Variants in NOTCH2 observed in about 807,000 individuals in gnomAD.
The protein encoded by NOTCH2 is neurogenic locus notch homolog protein 2.
Under a neutral mutation model 235.8 loss-of-function variants are expected in NOTCH2, and 29 were observed. The observed-to-expected ratio is 0.12, with a 90% CI of 0.09 to 0.17. The LOEUF is 0.17. Among genes scored for constraint, NOTCH2 ranks in the 10% least tolerant of loss-of-function variants. The probability of loss-of-function intolerance (pLI) is 1.00; values close to 1 mark genes in which losing one functional copy is unlikely to be tolerated. For missense variants in NOTCH2, 2,285 were observed against 3,150.2 expected, an observed-to-expected ratio of 0.73 and a Z score of 6.57; for synonymous variants, 1,086 against 1,141.5, an observed-to-expected ratio of 0.95 and a Z score of 0.98.
At position 119,916,065 on chromosome 1, in the gene NOTCH2, G is replaced by A. The variant is rs1031526405; in HGVS notation, c.6657C>T (p.Pro2219=). Residue 2219 remains proline, a synonymous_variant, in exon 34 of 34, where the codon CCC becomes CCT. Transcript: ENST00000256646. ...GGTGGGATAGCAACTGGCTCACTGA[G>A]GGAAGCACAGTGCTGGCCCCATGTG... The part of the protein sequence containing the change: ...PLAHGASTVL[P]SVSQLLSHHH... 1 of 1,613,926 alleles carries A rather than the reference G, an allele frequency of 6.2e-7. No homozygotes were observed. Among genetic ancestry groups the A allele is most frequent in the African/African-American group, 1.3e-5 (1 of 75,060 alleles).
At chr1:119,935,299 C>T (rs1461741873) in intron 22 of NOTCH2, 173 bp downstream of exon 22, 12 of 1,554,806 alleles carry the variant, frequency 7.7e-6, no homozygotes, top group Non-Finnish European at 1.0e-5. Context: ...AACATCAGAG[C>T]TAGCAAGAGA....
At chr1:120,064,133 C>T (rs2799236) in intron 1 of NOTCH2, among the ~76,000 whole-genome samples, 4 of 152,044 alleles carry the variant, frequency 2.6e-5, no homozygotes, top group Middle Eastern at 3.4e-3. Flanking sequence ...CATGAGGAGA[C>T]GGATTACAGC....
chr1:120,048,445 C>CTTTTTT (rs782527466), intron 1 of NOTCH2, among the ~76,000 whole-genome samples: 1 of 100,468 alleles, frequency 1.0e-5, no homozygotes, highest in Admixed American at 9.0e-5. Context: ...CCCAATACCA[C>CTTTTTT]TTTTTTTTTT....
rs779376273 is a variant in NOTCH2 at position 119,916,523 on chromosome 1, C to T, written c.6199G>A (p.Val2067Met). The T allele has an allele frequency of 3.1e-6, 5 of 1,613,312 alleles. No individual in the cohort carries two copies. Among genetic ancestry groups the T allele is most frequent in the East Asian group, 4.5e-5 (2 of 44,870 alleles). Residue 2067 changes from valine (V) to methionine (M), a missense_variant, in exon 34 of 34, where the codon GTG becomes ATG. Val to Met is a conservative substitution (Grantham distance 21). Around this residue, in one of 6 missense-constraint regions of NOTCH2, gnomAD observed 504 missense variants for 538.0 expected, o/e 0.94. Transcript: ENST00000256646. The stretch of plus-strand genomic sequence containing the variant: ...ACGGTGCCTGGAGGGCTTGGGGTCA[C>T]ATTGTATTCATCCAGAAGGCGCACA... Reference protein sequence around the residue: ...DIVRLLDEYNVTPSPPGTVLT... With the variant: ...DIVRLLDEYNMTPSPPGTVLT...
intron 4 of NOTCH2, chr1:119,995,482 T>C (rs1460950761): frequency 6.6e-6 from 1 of 152,228 alleles, no homozygotes; most frequent in Non-Finnish European, 1.5e-5. Context: ...CCCAGAGATA[T>C]TTGCAATATT....
rs756404653 is a variant in NOTCH2, at chr1:119,920,263, C to T, written c.5445G>A (p.Glu1815=). ...GGACATTCACATCTAACACATCCAC[C>T]TCCTGCTCTGCCTGAGGAGGGGTGA... ...LALTPPQAEQ[E]VDVLDVNVRG... The change falls in exon 30 of 34, where the codon GAG becomes GAA. Residue 1815 remains glutamate, a synonymous_variant. Transcript: ENST00000256646. 4 of 1,614,206 alleles carry T rather than the reference C, an allele frequency of 2.5e-6. No individual in the cohort carries two copies. The highest frequency in any genetic ancestry group is 3.3e-5 in the Admixed American group (2 of 60,030).
intron 3 of NOTCH2, among the ~76,000 whole-genome samples, chr1:119,999,598 T>C (rs368770649): frequency 1.3e-5 from 2 of 151,778 alleles, no homozygotes; most frequent in African/African-American, 2.4e-5. Flanking sequence ...GAAAGATCCC[T>C]GGGCCGGAAG....
chr1:120,013,905 C>G (rs587710267), intron 2 of NOTCH2, among the ~76,000 whole-genome samples: 1 of 151,678 alleles, frequency 6.6e-6, no homozygotes, highest in Admixed American at 6.6e-5. Flanking sequence ...ACCCAACAAC[C>G]CTTACATATC....
chr1:120,000,878 T>C (rs1442900878), intron 3 of NOTCH2, among the ~76,000 whole-genome samples: 6 of 152,044 alleles, frequency 3.9e-5, no homozygotes, highest in Admixed American at 1.3e-4. Context: ...CCAACACCTT[T>C]TGATGAATGA....
intron 5 of NOTCH2, among the ~76,000 whole-genome samples, chr1:119,985,410 T>C (rs928465988): frequency 6.6e-6 from 1 of 152,200 alleles, no homozygotes; most frequent in South Asian, 2.1e-4. Flanking sequence ...TTATTAAATG[T>C]CCTGGGATAA....
chr1:119,959,301 A>G, intron 12 of NOTCH2, 91 bp downstream of exon 12: 1 of 794,538 alleles, frequency 1.3e-6, no homozygotes, highest in Non-Finnish European at 2.3e-6. Flanking sequence ...ACAAAGAAAT[A>G]GGAAACACTT....
chr1:120,001,209 T>A (rs1652737449), intron 3 of NOTCH2, among the ~76,000 whole-genome samples: 1 of 152,180 alleles, frequency 6.6e-6, no homozygotes, highest in Non-Finnish European at 1.5e-5. Context: ...GATATCTTTA[T>A]CAGCAGCGTG....
intron 22 of NOTCH2, among the ~76,000 whole-genome samples, chr1:119,931,051 C>T (rs369111740): frequency 4.8e-5 from 7 of 146,894 alleles, no homozygotes; most frequent in East Asian, 2.0e-4. Flanking sequence ...TGCAGTAAGC[C>T]GAGATTGCGC....
rs149771244 is a variant in NOTCH2 at position 119,977,026 on chromosome 1, G to A, written c.875-7282C>T. On this transcript the variant is annotated intron_variant, in intron 5 of 33. Transcript: ENST00000256646. The stretch of plus-strand genomic sequence containing the variant: ...ATTTAGTACAGTTCAAAATTTTATG[G>A]AGAATTATATTGTCTATGCCTGTGT... Among the ~76,000 whole-genome samples, 1,103 of 152,108 alleles carry A rather than the reference G, an allele frequency of 7.3e-3. 12 individuals carry two copies. Among genetic ancestry groups the A allele is most frequent in the Non-Finnish European group, 0.013 (868 of 67,964 alleles).
rs1274847564 is a variant in NOTCH2 at position 119,915,816 on chromosome 1, G to A, written c.6906C>T (p.Pro2302=). ...GGATGAGCTGGAAAGTCACAATGGG[G>A]GGCAAGGGCTCCCGAGGGGTGGTTA... ...KHITTPREPL[P]PIVTFQLIPK... Residue 2302 remains proline (P), a synonymous_variant, in exon 34 of 34, where the codon CCC becomes CCT. Transcript: ENST00000256646. 1 of 1,613,712 alleles carries A rather than the reference G, an allele frequency of 6.2e-7. No individual in the cohort carries two copies.
At chr1:120,020,992 TC>T (rs1284660419) in intron 2 of NOTCH2, among the ~76,000 whole-genome samples, 2 of 88,510 alleles carry the variant, frequency 2.3e-5, no homozygotes, top group Non-Finnish European at 3.8e-5. Flanking sequence ...TTCATAAAGA[TC>T]AAGTAGAAGA....
intron 2 of NOTCH2, among the ~76,000 whole-genome samples, chr1:120,011,835 TGAAAC>T (rs57798507): frequency 2.5e-4 from 37 of 149,626 alleles, no homozygotes; most frequent in African/African-American, 8.0e-4. Flanking sequence ...GCTAACACAG[TGAAAC>T]CCTGTCTCTA....
chr1:119,987,520 G>A (rs587607280), intron 4 of NOTCH2, among the ~76,000 whole-genome samples: 13 of 152,078 alleles, frequency 8.5e-5, no homozygotes, highest in East Asian at 1.9e-4. Flanking sequence ...ATTGCTAGGC[G>A]GCCTCCAAGC....
rs1648906498 is a variant in NOTCH2, at chr1:119,911,910, A to C, written c.*3396T>G. 1 of 233,078 alleles carries C rather than the reference A, an allele frequency of 4.3e-6. No homozygotes were observed. The highest frequency in any genetic ancestry group is 8.5e-6 in the Non-Finnish European group (1 of 118,038). The allele number at this position is 233,078 out of a possible 1,614,324, so 14.4% of individuals were successfully genotyped here. On this transcript the variant is annotated 3_prime_UTR_variant, in exon 34 of 34. Transcript: ENST00000256646. ...AGGATCATTTATTTATGATCTAATT[A>C]AAGGAAGAAAAAAAGAAGTTTGGTG...
Sources: gnomAD v4.1 joint callset for allele counts (sites outside exome capture counted in the v4.1 genomes callset) on GRCh38, gnomAD v4.1.1 for gene constraint, gnomAD v4.1.1 regional missense constraint, MANE v1.5 for transcripts, NCBI Gene and HGNC (gene_info 2026-07-23, HGNC 2026-07-21) for gene names.